TRPM1: variants seen among roughly 807,000 people sequenced by gnomAD.
TRPM1 encodes the protein transient receptor potential cation channel subfamily M member 1, also known as TRPM1-203 APA Isoform, Intron 10.
TRPM1 carries 113 observed loss-of-function variants against 149.4 expected under a neutral mutation model. The ratio of observed to expected loss-of-function variants is 0.76; its 90% CI spans 0.65 to 0.88. The LOEUF is 0.88. TRPM1 is among the 40% of genes least tolerant of loss of function. The pLI is 0.00. For missense variants in TRPM1, 1,976 were observed against 2,038.7 expected (o/e 0.97, Z 0.59); for synonymous variants, 741 against 759.5 (o/e 0.98, Z 0.40).
Position 31,002,274 on chromosome 15 carries a change from G to T in TRPM1, c.4426C>A (p.Gln1476Lys), listed in dbSNP as rs2031802722. Residue 1476 changes from glutamine to lysine, a missense_variant, in exon 28 of 28, where the codon CAG becomes AAG. Coordinates refer to ENST00000256552, the MANE Select transcript of TRPM1 (RefSeq NM_001252024.2). The stretch of plus-strand genomic sequence containing the variant: ...GTGATTGAACTGTACTCTACATCCT[G>T]GTTAACCCCACCGACCAGCTTTCTT... The part of the protein sequence containing the change: ...RGRKLVGGVN[Q>K]DVEYSSITDQ... 1 of 1,614,046 alleles carries T rather than the reference G, an allele frequency of 6.2e-7. No homozygotes were observed. Among genetic ancestry groups the T allele is most frequent in the African/African-American group, 1.3e-5 (1 of 74,922 alleles).
intron 1 of TRPM1, among the ~76,000 whole-genome samples, chr15:31,089,194 C>T (rs952206342): frequency 1.3e-5 from 2 of 152,168 alleles, no homozygotes; most frequent in Non-Finnish European, 1.5e-5. Flanking sequence ...CAGGAGTGGT[C>T]ATTTCTAGGT....
intron 11 of TRPM1, among the ~76,000 whole-genome samples, chr15:31,055,184 A>C (rs1048826709): frequency 1.3e-5 from 2 of 152,194 alleles, no homozygotes; most frequent in Non-Finnish European, 2.9e-5. Context: ...TTAAAAGAAG[A>C]TTTTGGAGAC....
intron 1 of TRPM1, among the ~76,000 whole-genome samples, chr15:31,111,331 T>C (rs1372635707): frequency 2.0e-5 from 3 of 152,226 alleles, no homozygotes; most frequent in Admixed American, 6.5e-5. Context: ...AGTGTAACGT[T>C]CTGCCCTTTG....
intron 20 of TRPM1, among the ~76,000 whole-genome samples, chr15:31,036,604 C>T (rs1032019797): frequency 1.3e-5 from 2 of 152,126 alleles, no homozygotes; most frequent in Admixed American, 1.3e-4. Context: ...TGTGATGACT[C>T]CACCCTCCAC....
At chr15:31,136,703 A>G (rs1323267412) in intron 1 of TRPM1, among the ~76,000 whole-genome samples, 2 of 149,104 alleles carry the variant, frequency 1.3e-5, no homozygotes, top group Non-Finnish European at 3.0e-5. Flanking sequence ...GAAAAGACCA[A>G]TCTGCTTTTT....
At chr15:31,130,048 G>A (rs1203697845) in intron 1 of TRPM1, among the ~76,000 whole-genome samples, 2 of 152,224 alleles carry the variant, frequency 1.3e-5, no homozygotes, top group Non-Finnish European at 2.9e-5. Context: ...ACATCAGGGT[G>A]TTCCATACAG....
In TRPM1 at chr15:31,038,848, A is replaced by C. The variant is rs187737522; in HGVS notation, c.2317-682T>G. On this transcript the variant is annotated intron_variant, in intron 18 of 27. Coordinates refer to ENST00000256552, the MANE Select transcript of TRPM1 (RefSeq NM_001252024.2). ...GTAGGCCAAAAGTATTTTATATAGAAATAACTTTGATATAAATGAGATTAT... is the reference window on the plus strand; with the variant it reads ...GTAGGCCAAAAGTATTTTATATAGACATAACTTTGATATAAATGAGATTAT... 5.3e-4 allele frequency among the ~76,000 whole-genome samples: 81 copies of C among 152,270 alleles called. 1 individual carries two copies. Among genetic ancestry groups the C allele is most frequent in the Non-Finnish European group, 1.2e-4 (8 of 68,026 alleles).
At chr15:31,077,699 T>C (rs1171204393) in intron 2 of TRPM1, among the ~76,000 whole-genome samples, 1 of 152,124 alleles carries the variant, frequency 6.6e-6, no homozygotes, top group Admixed American at 6.5e-5. Context: ...GAGGCCTGGC[T>C]CAGTGCGTAT....
intron 6 of TRPM1, 108 bp downstream of exon 6, chr15:31,066,955 G>A (rs1323308897): frequency 2.8e-6 from 4 of 1,445,710 alleles, no homozygotes; most frequent in Non-Finnish European, 3.9e-6. Context: ...GGGAAAGGCT[G>A]CAAGGGAGCT....
chr15:31,071,936 C>A (rs1210404984), intron 3 of TRPM1, among the ~76,000 whole-genome samples: 2 of 125,572 alleles, frequency 1.6e-5, no homozygotes, highest in Non-Finnish European at 3.2e-5. Flanking sequence ...TGCACTCCAG[C>A]GTGGTTGACA....
chr15:31,109,505 T>C (rs763939841), intron 1 of TRPM1, among the ~76,000 whole-genome samples: 2 of 151,428 alleles, frequency 1.3e-5, no homozygotes, highest in Admixed American at 6.6e-5. Flanking sequence ...GAGATCAACC[T>C]GGCCACAACA....
intron 1 of TRPM1, among the ~76,000 whole-genome samples, chr15:31,137,147 G>A (rs1004432240): frequency 6.6e-6 from 1 of 152,136 alleles, no homozygotes; most frequent in Non-Finnish European, 1.5e-5. Context: ...AGTGACTGAG[G>A]AGTCACTGTG....
upstream of TRPM1, among the ~76,000 whole-genome samples, chr15:31,102,459 C>T (rs149513647): frequency 4.6e-5 from 7 of 152,328 alleles, no homozygotes; most frequent in Non-Finnish European, 7.3e-5. Context: ...GGGCATTGTC[C>T]GCCTCCCGCT....
chr15:31,021,059 G>A (rs1303329375), intron 27 of TRPM1, among the ~76,000 whole-genome samples: 1 of 152,116 alleles, frequency 6.6e-6, no homozygotes, highest in Non-Finnish European at 1.5e-5. Flanking sequence ...GAACAAGGGT[G>A]TCATCCACTG....
At chr15:31,122,442 A>C (rs1032101972) in intron 1 of TRPM1, among the ~76,000 whole-genome samples, 2 of 152,236 alleles carry the variant, frequency 1.3e-5, no homozygotes, top group South Asian at 2.1e-4. Context: ...ATTCCAAAGA[A>C]TCAACCAAAA....
chr15:31,016,990 A>C (rs2059478), intron 27 of TRPM1, among the ~76,000 whole-genome samples: 39,325 of 103,534 alleles, frequency 0.38, 5,537 homozygotes, highest in East Asian at 0.63. Context: ...CACACACACA[A>C]AAAAAAAACT....
chr15:31,001,760 C>T lies in TRPM1; in HGVS notation c.*62G>A. 1.3e-6 allele frequency: 2 copies of T among 1,549,448 alleles called. No homozygotes were observed. Among genetic ancestry groups the T allele is most frequent in the Non-Finnish European group, 1.7e-6 (2 of 1,149,586 alleles). ...TTAGAAATTGATGATGTTTAGATGGCCAAGATGACACCCATTAGTGGTTCT... is the reference window on the plus strand; with the variant it reads ...TTAGAAATTGATGATGTTTAGATGGTCAAGATGACACCCATTAGTGGTTCT... On this transcript the variant is annotated 3_prime_UTR_variant, in exon 28 of 28. Coordinates refer to ENST00000256552, the MANE Select transcript of TRPM1 (RefSeq NM_001252024.2).
chr15:31,036,381 G>T (rs529849334), intron 20 of TRPM1, among the ~76,000 whole-genome samples: 4 of 152,268 alleles, frequency 2.6e-5, no homozygotes, highest in African/African-American at 9.6e-5. Context: ...CCTGTGGAAG[G>T]CTTGGGGGAG....
chr15:31,058,911 G>GTCGGGGTTTTTTTTTTTTTT (rs1397882572), intron 11 of TRPM1, among the ~76,000 whole-genome samples: 115 of 152,200 alleles, frequency 7.6e-4, no homozygotes, highest in African/African-American at 2.6e-3. Flanking sequence ...GTGAAACCCT[G>GTCGGGGTTTTTTTTTTTTTT]TGTCCACTAA....
Sources: allele counts gnomAD v4.1 joint callset (sites outside exome capture counted in the v4.1 genomes callset), GRCh38; gene constraint gnomAD v4.1.1; transcripts MANE v1.5; gene names NCBI Gene and HGNC (gene_info 2026-07-23, HGNC 2026-07-21).